RPS6KA5: variants seen among roughly 807,000 people sequenced by gnomAD.
The protein encoded by RPS6KA5 is ribosomal protein S6 kinase A5.
Under a neutral mutation model 85.5 loss-of-function variants are expected in RPS6KA5, and 27 were observed. The observed-to-expected ratio is 0.32, with a 90% CI of 0.23 to 0.44. RPS6KA5 has a LOEUF of 0.44. Ranked by LOEUF, RPS6KA5 falls within the 20% of genes least tolerant of loss-of-function variation. RPS6KA5 has a pLI of 1.00. For missense variants in RPS6KA5, 811 were observed against 980.9 expected (o/e 0.83, Z 2.31); for synonymous variants, 334 against 348.2 (o/e 0.96, Z 0.46).
intron 1 of RPS6KA5, among the ~76,000 whole-genome samples, chr14:91,022,441 T>C (rs1232704525): frequency 6.6e-6 from 1 of 152,216 alleles, no homozygotes; most frequent in Non-Finnish European, 1.5e-5. Context: ...TGAAACAACC[T>C]GTCTGCTCAC....
chr14:90,975,261 A>C (rs1197204152), intron 3 of RPS6KA5, among the ~76,000 whole-genome samples: 2 of 152,246 alleles, frequency 1.3e-5, no homozygotes, highest in Non-Finnish European at 1.5e-5. Flanking sequence ...AGAGCTAGAC[A>C]TGTAAGTTCT....
At chr14:91,002,390 A>T (rs2040829311) in intron 1 of RPS6KA5, among the ~76,000 whole-genome samples, 1 of 152,174 alleles carries the variant, frequency 6.6e-6, no homozygotes, top group South Asian at 2.1e-4. Flanking sequence ...TGTATATTAG[A>T]AAATGGCCAT....
In RPS6KA5 at chr14:91,020,638, G is replaced by T. The variant is rs184235650; in HGVS notation, c.104-19479C>A. On this transcript the variant is annotated intron_variant, in intron 1 of 16. Transcript: ENST00000614987. ...ATTGTGTGTGTGTGTGTGTGTGTGT[G>T]TGTGTGTGTGTGTTTATATGTGTAT... Among the ~76,000 whole-genome samples, 1,046 of 149,306 alleles carry T rather than the reference G, an allele frequency of 7.0e-3. 13 individuals carry two copies. The highest frequency in any genetic ancestry group is 0.026 in the South Asian group (121 of 4,704).
At chr14:90,934,704 T>G (rs1023585531) in intron 5 of RPS6KA5, among the ~76,000 whole-genome samples, 2 of 152,078 alleles carry the variant, frequency 1.3e-5, no homozygotes, top group African/African-American at 4.8e-5. Flanking sequence ...ATCCAAAAAT[T>G]TCTGCCATAA....
intron 13 of RPS6KA5, among the ~76,000 whole-genome samples, chr14:90,891,428 T>TA (rs1393417253): frequency 6.6e-6 from 1 of 152,100 alleles, no homozygotes; most frequent in East Asian, 1.9e-4. Flanking sequence ...TCTGTAGTAC[T>TA]ACTTTTTGTA....
At chr14:90,988,537 C>T (rs2040159458) in intron 2 of RPS6KA5, among the ~76,000 whole-genome samples, 1 of 152,152 alleles carries the variant, frequency 6.6e-6, no homozygotes, top group Non-Finnish European at 1.5e-5. Context: ...AAATAAGAGG[C>T]TGGGCATGGT....
intron 3 of RPS6KA5, among the ~76,000 whole-genome samples, chr14:90,954,686 T>C (rs543228926): frequency 1.1e-4 from 17 of 152,328 alleles, no homozygotes; most frequent in Admixed American, 2.6e-4. Context: ...AGTGCTGGGA[T>C]TGCAGGCATG....
intron 1 of RPS6KA5, among the ~76,000 whole-genome samples, chr14:91,054,846 CA>C (rs2043248461): frequency 1.3e-5 from 2 of 151,670 alleles, no homozygotes; most frequent in South Asian, 4.2e-4. Flanking sequence ...AGGAAACCAT[CA>C]AAAAAGTGAA....
chr14:91,051,655 G>A (rs1330945776), intron 1 of RPS6KA5, among the ~76,000 whole-genome samples: 5 of 151,800 alleles, frequency 3.3e-5, no homozygotes, highest in East Asian at 1.9e-4. Flanking sequence ...GCCCAGCTAA[G>A]TTTTTGTATT....
chr14:90,992,105 T>A (rs763926405), intron 2 of RPS6KA5, among the ~76,000 whole-genome samples: 15 of 152,160 alleles, frequency 9.9e-5, no homozygotes, highest in Non-Finnish European at 2.2e-4. Flanking sequence ...AAAAAATTTA[T>A]CTTAAAAAGG....
intron 1 of RPS6KA5, among the ~76,000 whole-genome samples, chr14:91,019,549 T>G (rs1001930617): frequency 1.3e-5 from 2 of 152,186 alleles, no homozygotes; most frequent in African/African-American, 4.8e-5. Flanking sequence ...CCTGCCAGTC[T>G]CCATAATCAC....
rs2032814842 is a variant in RPS6KA5 at position 90,866,641 on chromosome 14, T to G, written c.*5433A>C. 6.6e-6 allele frequency: 1 copy of G among 152,242 alleles called. No individual in the cohort carries two copies. Among genetic ancestry groups the G allele is most frequent in the Non-Finnish European group, 1.5e-5 (1 of 68,044 alleles). 9.4% of individuals were successfully genotyped at this position (152,242 alleles called of 1,614,324 possible). A position where few individuals can be genotyped will look rare whatever the true frequency, so the allele number is the denominator to read the frequency against. ...AGCAGTTACATAGATTGTTGCAGCT[T>G]AGATTATTTTCAAGAAGTTTAAATT... On this transcript the variant is annotated 3_prime_UTR_variant, in exon 17 of 17. Transcript: ENST00000614987.
At chr14:90,900,344 G>T in intron 10 of RPS6KA5, 103 bp from the exon 11 acceptor site, 3 of 791,062 alleles carry the variant, frequency 3.8e-6, no homozygotes, top group South Asian at 3.3e-5. Context: ...TAATAAACAG[G>T]AATAGAATAC....
intron 1 of RPS6KA5, among the ~76,000 whole-genome samples, chr14:91,058,733 T>C (rs1420121751): frequency 1.3e-5 from 2 of 152,190 alleles, no homozygotes; most frequent in Non-Finnish European, 2.9e-5. Flanking sequence ...CCTGAATTCA[T>C]ACAGGTTATG....
At chr14:90,988,682 G>A (rs1023295460) in intron 2 of RPS6KA5, among the ~76,000 whole-genome samples, 1 of 152,068 alleles carries the variant, frequency 6.6e-6, no homozygotes, top group Non-Finnish European at 1.5e-5. Context: ...GCATGGTGGC[G>A]GGCGTCTGTA....
At chr14:90,873,183 T>C (rs888116731) in intron 16 of RPS6KA5, among the ~76,000 whole-genome samples, 4 of 152,188 alleles carry the variant, frequency 2.6e-5, no homozygotes, top group Admixed American at 1.3e-4. Context: ...TTCTACCAAA[T>C]AGTCTCAGTC....
chr14:90,883,217 T>C (rs112440489), intron 14 of RPS6KA5, among the ~76,000 whole-genome samples: 1,963 of 152,308 alleles, frequency 0.013, 42 homozygotes, highest in African/African-American at 0.045. Flanking sequence ...TCTTCCAATA[T>C]TCTCTCTGTC....
chr14:91,025,986 CCTCTT>C (rs1368526174), intron 1 of RPS6KA5, among the ~76,000 whole-genome samples: 1 of 151,648 alleles, frequency 6.6e-6, no homozygotes, highest in Non-Finnish European at 1.5e-5. Flanking sequence ...CAGCCTTTTC[CCTCTT>C]CTTTCTCTCT....
intron 1 of RPS6KA5, among the ~76,000 whole-genome samples, chr14:91,029,875 A>G (rs1396336208): frequency 6.6e-6 from 1 of 152,214 alleles, no homozygotes; most frequent in East Asian, 1.9e-4. Context: ...CAATTTTAAC[A>G]TGGTAAAAAC....
Sources: gnomAD v4.1 joint callset for allele counts (sites outside exome capture counted in the v4.1 genomes callset) on GRCh38, gnomAD v4.1.1 for gene constraint, MANE v1.5 for transcripts, NCBI Gene and HGNC (gene_info 2026-07-23, HGNC 2026-07-21) for gene names.